NRL: variants seen among roughly 807,000 people sequenced by gnomAD.
NRL encodes neural retina leucine zipper.
NRL carries 16 observed loss-of-function variants against 12.5 expected under a neutral mutation model. That is an observed-to-expected ratio of 1.28 (90% CI 0.87 to 1.95). The LOEUF (loss-of-function observed/expected upper bound fraction) is 1.95, where lower values mean the gene tolerates loss of function less well. Among genes scored for constraint, NRL ranks in the 30% most tolerant of loss-of-function variants. The probability of loss-of-function intolerance (pLI) is 0.00; values close to 1 mark genes in which losing one functional copy is unlikely to be tolerated. For missense variants in NRL, 314 were observed against 325.8 expected (o/e 0.96, Z 0.28); for synonymous variants, 142 against 150.9 (o/e 0.94, Z 0.43).
intron 1 of NRL, chr14:24,099,171 T>C (rs200227305): frequency 1.9e-6 from 3 of 1,609,724 alleles, no homozygotes; most frequent in Admixed American, 1.7e-5. Context: ...GGGCAAGAAG[T>C]GCTTTGCCCT....
rs752215376 is a variant in NRL at position 24,082,693 on chromosome 14, G to C, written c.156C>G (p.Thr52=). 1 of 1,614,088 alleles carries C rather than the reference G, an allele frequency of 6.2e-7. No individual in the cohort carries two copies. The highest frequency in any genetic ancestry group is 8.5e-7 in the Non-Finnish European group (1 of 1,180,052). ...CCCCCACCATGCCTGGTTCACTGAAGGTGGGTGAAGGAGGCACTGAGCTGT... is the reference window on the plus strand; with the variant it reads ...CCCCCACCATGCCTGGTTCACTGAACGTGGGTGAAGGAGGCACTGAGCTGT... ...TPYSSVPPSP[T]FSEPGMVGAT... is the part of the protein sequence containing the mutation. Residue 52 remains threonine, a synonymous_variant, in exon 2 of 3, where the codon ACC becomes ACG. Transcript: ENST00000561028.
intron 1 of NRL, among the ~76,000 whole-genome samples, chr14:24,089,413 CT>C (rs889541746): frequency 6.6e-6 from 1 of 151,876 alleles, no homozygotes; most frequent in African/African-American, 2.4e-5. Context: ...TGCCTGGCTA[CT>C]TTTTTATTTT....
chr14:24,102,556 C>T lies in NRL; in HGVS notation c.-28+12166G>A, dbSNP rs111287614. 5,403 of 580,152 alleles carry T rather than the reference C, an allele frequency of 9.3e-3. 141 individuals carry two copies. Among genetic ancestry groups the T allele is most frequent in the African/African-American group, 0.074 (3,957 of 53,832 alleles). The allele number at this position is 580,152 out of a possible 1,614,324, so 35.9% of individuals were successfully genotyped here. ...TCTTTTCTCACATAGCTCAGCTGGC[C>T]GCACCTTCATGGCTAAACAACCTGA... On this transcript the variant is annotated intron_variant, in intron 1 of 2. Coordinates refer to ENST00000561028, the MANE Select transcript of NRL (RefSeq NM_001354768.3).
At chr14:24,099,925 G>A (rs769700995) in intron 1 of NRL, 1 of 1,613,598 alleles carries the variant, frequency 6.2e-7, no homozygotes. Flanking sequence ...GGGTGGAGCA[G>A]GACCTTCTTT....
intron 1 of NRL, among the ~76,000 whole-genome samples, chr14:24,109,683 G>A (rs2037389428): frequency 7.0e-6 from 1 of 143,182 alleles, no homozygotes; most frequent in Non-Finnish European, 1.5e-5. Flanking sequence ...GGGTGACAGA[G>A]CAAGACTCCA....
At chr14:24,113,884 C>T (rs190734925) in intron 1 of NRL, among the ~76,000 whole-genome samples, 2 of 152,368 alleles carry the variant, frequency 1.3e-5, no homozygotes, top group Admixed American at 1.3e-4. Context: ...GAAGTGCAGG[C>T]TGCAGGGAAT....
At chr14:24,089,178 C>T (rs2036548447) in intron 1 of NRL, among the ~76,000 whole-genome samples, 1 of 152,066 alleles carries the variant, frequency 6.6e-6, no homozygotes, top group Non-Finnish European at 1.5e-5. Context: ...CTCAAATGAT[C>T]CACCCGCCTC....
At chr14:24,098,284 G>C (rs745884414) in intron 1 of NRL, 1 of 1,614,110 alleles carries the variant, frequency 6.2e-7, no homozygotes, top group Non-Finnish European at 8.5e-7. Flanking sequence ...AGCGGGACAC[G>C]GTACCACTCC....
rs1158643093 is a variant in NRL at position 24,085,533 on chromosome 14, T to C, written c.-27-2658A>G. On this transcript the variant is annotated intron_variant, in intron 1 of 2. Transcript: ENST00000561028. The surrounding 1 kb of genome is among the most constrained non-coding windows in gnomAD (Gnocchi z 4.1). ...GAGTGGGAACAGGGATACTAGGAAT[T>C]ATCCAAGGAGATGTTTAAACCTGTC... Among the ~76,000 whole-genome samples, 5 of 152,232 alleles carry C rather than the reference T, an allele frequency of 3.3e-5. No homozygotes were observed. The highest frequency in any genetic ancestry group is 5.9e-5 in the Non-Finnish European group (4 of 68,036).
intron 1 of NRL, among the ~76,000 whole-genome samples, chr14:24,105,135 C>G (rs1324422407): frequency 6.6e-6 from 1 of 152,186 alleles, no homozygotes; most frequent in Non-Finnish European, 1.5e-5. Flanking sequence ...TTACGGGAAA[C>G]AAAGGGATGG....
Position 24,082,879 on chromosome 14 carries a change from C to G in NRL, c.-27-4G>C. 1 of 1,599,286 alleles carries G rather than the reference C, an allele frequency of 6.3e-7. No individual in the cohort carries two copies. The stretch of plus-strand genomic sequence containing the variant: ...AGCTGGGCTGGGAGGAGTGCACCTG[C>G]AAAGAGGAGGAGAGGTCTGGAGCAC... On this transcript the variant is annotated splice_region_variant and splice_polypyrimidine_tract_variant and intron_variant, in intron 1 of 2. Coordinates refer to ENST00000561028, the MANE Select transcript of NRL (RefSeq NM_001354768.3).
At chr14:24,100,411 A>C in intron 1 of NRL, 1 of 1,238,236 alleles carries the variant, frequency 8.1e-7, no homozygotes, top group Non-Finnish European at 1.1e-6. Context: ...TGATCTGGCT[A>C]AGTTGCTCAA....
At chr14:24,090,605 G>A (rs1806513881) in intron 1 of NRL, among the ~76,000 whole-genome samples, 1 of 152,190 alleles carries the variant, frequency 6.6e-6, no homozygotes, top group Non-Finnish European at 1.5e-5. Context: ...TCCTGAAGCG[G>A]GAATCTGGGC....
At position 24,100,371 on chromosome 14, in the gene NRL, A is replaced by G. The variant is rs573679129; in HGVS notation, c.-28+14351T>C. 2.8e-6 allele frequency: 4 copies of G among 1,428,452 alleles called. No individual in the cohort carries two copies. In the East Asian group the frequency reaches 9.9e-5, roughly 35 times the overall value. The allele number at this position is 1,428,452 out of a possible 1,614,324, so 88.5% of individuals were successfully genotyped here. A position where few individuals can be genotyped will look rare whatever the true frequency, so the allele number is the denominator to read the frequency against. ...CCAGTCCCAGGCAAAATCTCAGTTC[A>G]TGTCCCAACTCCACCAGTCACTGGT... On this transcript the variant is annotated intron_variant, in intron 1 of 2. Coordinates refer to ENST00000561028, the MANE Select transcript of NRL (RefSeq NM_001354768.3).
chr14:24,088,020 C>T (rs959657253), intron 1 of NRL, among the ~76,000 whole-genome samples: 6 of 151,948 alleles, frequency 3.9e-5, no homozygotes, highest in African/African-American at 1.4e-4. Flanking sequence ...AGAAAGAAAC[C>T]CTGTCTCAAA....
chr14:24,082,587 A>G lies in NRL; in HGVS notation c.262T>C (p.Leu88=), dbSNP rs139218410. The change falls in exon 2 of 3, where the codon TTG becomes CTG. Residue 88 remains leucine (L), a synonymous_variant. Transcript: ENST00000561028. Reference sequence around the variant, plus strand: ...ATGGCCTCTTCAGGACTCAGCCCCAATGCCTCCCCAGCCCCCAGCTGCTGC... The same window carrying G: ...ATGGCCTCTTCAGGACTCAGCCCCAGTGCCTCCCCAGCCCCCAGCTGCTGC... The part of the protein sequence containing the change: ...LQQQLGAGEA[L]GLSPEEAMEL... 8.1e-6 allele frequency: 13 copies of G among 1,613,714 alleles called. No homozygotes were observed. The African/African-American group carries it at 9.3e-5, about 12-fold the overall frequency.
chr14:24,095,014 C>A, intron 1 of NRL: 1 of 466,014 alleles, frequency 2.1e-6, no homozygotes, highest in Admixed American at 2.5e-5. Flanking sequence ...GGGAGGAGGG[C>A]GCCAAGTTGC....
At chr14:24,097,127 T>C in intron 1 of NRL, 1 of 1,613,774 alleles carries the variant, frequency 6.2e-7, no homozygotes, top group South Asian at 1.1e-5. Context: ...GCTCCCCAAG[T>C]ACAATAACTG....
At position 24,102,646 on chromosome 14, in the gene NRL, T is replaced by G. The variant is rs1485800229; in HGVS notation, c.-28+12076A>C. ...ATCACACAAGGTTCTAGGCAGCTGA[T>G]GAGGCAAAAAAAAAAAAAGAACCCT... On this transcript the variant is annotated intron_variant, in intron 1 of 2. Coordinates refer to ENST00000561028, the MANE Select transcript of NRL (RefSeq NM_001354768.3). 24 of 926,542 alleles carry G rather than the reference T, an allele frequency of 2.6e-5. 2 individuals are homozygous for G. In the South Asian group the frequency reaches 3.6e-4, roughly 14 times the overall value. The allele number at this position is 926,542 out of a possible 1,614,324, so 57.4% of individuals were successfully genotyped here.
Sources: allele counts gnomAD v4.1 joint callset (sites outside exome capture counted in the v4.1 genomes callset), GRCh38; gene constraint gnomAD v4.1.1; non-coding constraint Gnocchi (gnomAD v3.1); transcripts MANE v1.5; gene names NCBI Gene and HGNC (gene_info 2026-07-23, HGNC 2026-07-21).